Variants in SDK1 observed in about 807,000 individuals in gnomAD.
SDK1 encodes the protein protein sidekick-1.
A neutral mutation model predicts 245.5 loss-of-function variants in SDK1; 157 were observed. The observed-to-expected ratio is 0.64, with a 90% CI of 0.56 to 0.73. The LOEUF (loss-of-function observed/expected upper bound fraction) is 0.73. Ranked by LOEUF, SDK1 falls within the 30% of genes least tolerant of loss-of-function variation. SDK1 has a pLI of 0.00. For missense variants in SDK1, 3,583 were observed against 3,002.3 expected, an observed-to-expected ratio of 1.19 and a Z score of -4.52; for synonymous variants, 1,647 against 1,278.5, an observed-to-expected ratio of 1.29 and a Z score of -6.15.
Position 3,661,955 on chromosome 7 carries a change from C to T in SDK1, c.713+19850C>T, listed in dbSNP as rs368052014. 4.6e-5 allele frequency among the ~76,000 whole-genome samples: 7 copies of T among 151,880 alleles called. No homozygotes were observed. In the East Asian group the frequency reaches 9.7e-4, roughly 21 times the overall value. On this transcript the variant is annotated intron_variant, in intron 4 of 44. Transcript: ENST00000404826. ...GACTACTACCTGGGTGTAGTAAGAC[C>T]GTTATTACCATTAGTGGTTCTGACA...
Position 3,699,449 on chromosome 7 carries a change from G to A in SDK1, c.713+57344G>A, listed in dbSNP as rs553376978. Among the ~76,000 whole-genome samples the A allele has an allele frequency of 8.1e-4, 123 of 152,280 alleles. 1 individual carries two copies. The highest frequency in any genetic ancestry group is 2.8e-3 in the African/African-American group (118 of 41,548). ...CAGCAAAGAAATAGAAGAGATAATA[G>A]AGTACTGAATGGAAATTTTAGAACT... On this transcript the variant is annotated intron_variant, in intron 4 of 44. Transcript: ENST00000404826.
chr7:4,085,355 C>A (rs946323775), intron 22 of SDK1, among the ~76,000 whole-genome samples: 2 of 151,960 alleles, frequency 1.3e-5, no homozygotes, highest in African/African-American at 4.8e-5. Flanking sequence ...CAGTTTATAC[C>A]TACAGTTTAT....
chr7:3,680,944 G>C (rs1784080758), intron 4 of SDK1, among the ~76,000 whole-genome samples: 1 of 152,170 alleles, frequency 6.6e-6, no homozygotes. Context: ...CCGGGTTCAA[G>C]CGATTCTCCT....
At chr7:3,306,189 A>T (rs1469966813) in intron 1 of SDK1, among the ~76,000 whole-genome samples, 1 of 152,218 alleles carries the variant, frequency 6.6e-6, no homozygotes, top group East Asian at 1.9e-4. Flanking sequence ...GATAAACCTT[A>T]TTTACGATTA....
intron 1 of SDK1, among the ~76,000 whole-genome samples, chr7:3,475,877 C>T (rs1294112871): frequency 2.0e-5 from 3 of 152,124 alleles, no homozygotes; most frequent in East Asian, 1.9e-4. Flanking sequence ...TTATTCATTG[C>T]GACATGGGAT....
intron 1 of SDK1, among the ~76,000 whole-genome samples, chr7:3,357,502 A>G (rs1007476540): frequency 2.0e-5 from 3 of 150,762 alleles, no homozygotes; most frequent in Non-Finnish European, 4.4e-5. Context: ...GGTGCATGCC[A>G]CGATACCTGG....
At chr7:3,780,781 C>A (rs888075091) in intron 4 of SDK1, among the ~76,000 whole-genome samples, 5 of 152,060 alleles carry the variant, frequency 3.3e-5, no homozygotes, top group Middle Eastern at 3.4e-3. Context: ...AATGCAGGGG[C>A]TAGTCTTGCT....
At chr7:3,980,086 A>C (rs1783277426) in intron 13 of SDK1, among the ~76,000 whole-genome samples, 1 of 152,224 alleles carries the variant, frequency 6.6e-6, no homozygotes, top group South Asian at 2.1e-4. Context: ...CTCAGAGTGA[A>C]GTCAAAGAAG....
Position 3,474,097 on chromosome 7 carries a change from T to TTTTG in SDK1, c.299-144980_299-144979insGTTT, listed in dbSNP as rs1193653196. 1.2e-4 allele frequency among the ~76,000 whole-genome samples: 15 copies of TTTTG among 120,924 alleles called. No homozygotes were observed. The East Asian group carries it at 3.3e-3, about 26-fold the overall frequency. 79.3% of individuals were successfully genotyped at this position (120,924 alleles called of 152,430 possible). On this transcript the variant is annotated intron_variant, in intron 1 of 44. Transcript: ENST00000404826. ...GACATCTCTACCAGATGGTGTTTTT[T>TTTTG]TTTTTTTTTTTTTTTTTTTTTTTTT...
At chr7:3,798,456 A>ATCC (rs1236950127) in intron 4 of SDK1, among the ~76,000 whole-genome samples, 1 of 151,958 alleles carries the variant, frequency 6.6e-6, no homozygotes, top group African/African-American at 2.4e-5. Flanking sequence ...TGACCTTGTG[A>ATCC]TCCACCCACC....
At chr7:3,682,060 T>G (rs1216140768) in intron 4 of SDK1, among the ~76,000 whole-genome samples, 1 of 152,214 alleles carries the variant, frequency 6.6e-6, no homozygotes, top group Non-Finnish European at 1.5e-5. Flanking sequence ...TTAAAGTAGT[T>G]GTTTAGTTGG....
chr7:3,927,402 C>A (rs1246271458), intron 5 of SDK1, among the ~76,000 whole-genome samples: 1 of 152,062 alleles, frequency 6.6e-6, no homozygotes, highest in Non-Finnish European at 1.5e-5. Flanking sequence ...GTGTTATATG[C>A]ATCGTACATA....
chr7:3,605,948 A>AATCATAAATT (rs1562596898), intron 1 of SDK1, among the ~76,000 whole-genome samples: 8 of 152,268 alleles, frequency 5.3e-5, no homozygotes, highest in South Asian at 2.1e-4. Context: ...GAATGATCCA[A>AATCATAAATT]TTATCTAATT....
At chr7:3,526,665 TC>T (rs561114459) in intron 1 of SDK1, among the ~76,000 whole-genome samples, 4 of 152,194 alleles carry the variant, frequency 2.6e-5, no homozygotes, top group Non-Finnish European at 5.9e-5. Flanking sequence ...TTTCCTGCAG[TC>T]CCATTTATTT....
At chr7:3,584,892 T>C (rs1224170591) in intron 1 of SDK1, among the ~76,000 whole-genome samples, 1 of 151,906 alleles carries the variant, frequency 6.6e-6, no homozygotes, top group Non-Finnish European at 1.5e-5. Flanking sequence ...CCTGGCTAAT[T>C]TTTTTGTATT....
At chr7:4,070,265 G>C (rs1237673596) in intron 20 of SDK1, among the ~76,000 whole-genome samples, 1 of 152,226 alleles carries the variant, frequency 6.6e-6, no homozygotes, top group Non-Finnish European at 1.5e-5. Context: ...CTTGGGACCA[G>C]ATGGTCCCTC....
intron 5 of SDK1, 112 bp from the exon 6 acceptor site, chr7:3,950,809 ACT>A: frequency 1.4e-6 from 1 of 701,876 alleles, no homozygotes; most frequent in Non-Finnish European, 2.5e-6. Flanking sequence ...AGGGATTGGT[ACT>A]CTCTTTGGTT....
intron 5 of SDK1, among the ~76,000 whole-genome samples, chr7:3,836,925 G>C (rs1438298341): frequency 1.3e-5 from 2 of 152,166 alleles, no homozygotes; most frequent in South Asian, 4.2e-4. Flanking sequence ...CTCTTAGAGA[G>C]CCACCTTTCC....
chr7:4,069,103 C>G (rs928068531), intron 20 of SDK1, among the ~76,000 whole-genome samples: 9 of 152,152 alleles, frequency 5.9e-5, no homozygotes, highest in Non-Finnish European at 2.9e-5. Context: ...CTTGGTTTGA[C>G]AAAAGCAACA....
Sources: allele counts gnomAD v4.1 joint callset (sites outside exome capture counted in the v4.1 genomes callset), GRCh38; gene constraint gnomAD v4.1.1; transcripts MANE v1.5; gene names NCBI Gene and HGNC (gene_info 2026-07-23, HGNC 2026-07-21).